The following GRID2 variants were observed in gnomAD, a reference collection of about 807,000 sequenced individuals.
The protein encoded by GRID2 is glutamate receptor ionotropic, delta-2.
In GRID2, 33 loss-of-function variants were observed where a neutral mutation model predicts 114.8. The ratio of observed to expected loss-of-function variants is 0.29; its 90% CI spans 0.22 to 0.38. The LOEUF is 0.38. Ranked by LOEUF, GRID2 falls within the 10% of genes least tolerant of loss-of-function variation. The pLI, the probability that GRID2 is intolerant of heterozygous loss-of-function variation, is 1.00. For missense variants in GRID2, 1,184 were observed against 1,257.7 expected, an observed-to-expected ratio of 0.94 and a Z score of 0.89; for synonymous variants, 505 against 449.9, an observed-to-expected ratio of 1.12 and a Z score of -1.55.
chr4:93,778,479 C>T (rs116303246), downstream of GRID2, among the ~76,000 whole-genome samples: 9,403 of 148,852 alleles, frequency 0.063, 314 homozygotes, highest in Admixed American at 0.076. Context: ...TCCCTGGAAC[C>T]TTTGCCTCCT....
At chr4:92,572,246 T>C (rs1479493520) in intron 1 of GRID2, among the ~76,000 whole-genome samples, 1 of 152,152 alleles carries the variant, frequency 6.6e-6, no homozygotes, top group Non-Finnish European at 1.5e-5. Flanking sequence ...CAGATAATAC[T>C]ATAAACACCT....
intron 2 of GRID2, among the ~76,000 whole-genome samples, chr4:93,001,056 T>C (rs992631647): frequency 6.6e-6 from 1 of 151,674 alleles, no homozygotes; most frequent in Non-Finnish European, 1.5e-5. Flanking sequence ...ATGATTTTGC[T>C]AGTAATTAAA....
intron 14 of GRID2, among the ~76,000 whole-genome samples, chr4:93,712,328 A>C (rs1220182632): frequency 6.6e-6 from 1 of 152,118 alleles, no homozygotes; most frequent in African/African-American, 2.4e-5. Context: ...TGATGCAATT[A>C]TAAGATTTTC....
chr4:93,217,345 A>T (rs929397723), intron 6 of GRID2: 1 of 155,402 alleles, frequency 6.4e-6, no homozygotes, highest in African/African-American at 2.4e-5. Flanking sequence ...TAGATATGAA[A>T]AAAGTGCTGT....
At chr4:92,778,403 C>T (rs1738908475) in intron 2 of GRID2, among the ~76,000 whole-genome samples, 1 of 151,956 alleles carries the variant, frequency 6.6e-6, no homozygotes, top group African/African-American at 2.4e-5. Flanking sequence ...TAGTATATTC[C>T]TAATGCTCCT....
intron 13 of GRID2, among the ~76,000 whole-genome samples, chr4:93,624,346 T>C (rs1742495887): frequency 6.6e-6 from 1 of 152,168 alleles, no homozygotes; most frequent in Non-Finnish European, 1.5e-5. Context: ...CATCCTTTTT[T>C]GCATAGGATA....
intron 2 of GRID2, among the ~76,000 whole-genome samples, chr4:92,982,878 C>T (rs546995712): frequency 3.5e-4 from 53 of 152,076 alleles, no homozygotes; most frequent in Non-Finnish European, 4.4e-4. Context: ...ACTCATTAAC[C>T]GTTCTCATTA....
At chr4:92,703,926 T>G (rs906414316) in intron 2 of GRID2, among the ~76,000 whole-genome samples, 1 of 152,102 alleles carries the variant, frequency 6.6e-6, no homozygotes, top group African/African-American at 2.4e-5. Flanking sequence ...ATTCAATGCC[T>G]GAAAATTGAG....
intron 13 of GRID2, among the ~76,000 whole-genome samples, chr4:93,515,687 C>T (rs1729649886): frequency 6.6e-6 from 1 of 152,046 alleles, no homozygotes; most frequent in Non-Finnish European, 1.5e-5. Context: ...AAGGACTTAA[C>T]AAACATGAAG....
intron 2 of GRID2, among the ~76,000 whole-genome samples, chr4:92,947,879 A>G (rs906179325): frequency 4.6e-5 from 7 of 151,876 alleles, no homozygotes; most frequent in Admixed American, 3.9e-4. Context: ...AATAAAATGA[A>G]TCCTATGTTG....
At chr4:93,335,493 T>C (rs766527391) in intron 8 of GRID2, among the ~76,000 whole-genome samples, 32 of 152,146 alleles carry the variant, frequency 2.1e-4, no homozygotes, top group Non-Finnish European at 4.1e-4. Context: ...TTTTATATTG[T>C]CTTAAGCACA....
intron 2 of GRID2, among the ~76,000 whole-genome samples, chr4:92,698,546 A>G (rs1393395069): frequency 6.6e-6 from 1 of 152,044 alleles, no homozygotes; most frequent in Admixed American, 6.6e-5. Context: ...TATATAATAT[A>G]TGCTCTTTAT....
At chr4:93,511,031 G>A (rs1300571872) in intron 12 of GRID2, among the ~76,000 whole-genome samples, 2 of 152,100 alleles carry the variant, frequency 1.3e-5, no homozygotes, top group African/African-American at 4.8e-5. Flanking sequence ...CCGCCTTCTG[G>A]GTTCAAGTGA....
intron 1 of GRID2, among the ~76,000 whole-genome samples, chr4:92,577,728 C>T (rs1173563294): frequency 3.9e-5 from 6 of 152,012 alleles, no homozygotes; most frequent in African/African-American, 1.4e-4. Flanking sequence ...AGCTAGGATT[C>T]TTCTATAAAG....
chr4:93,332,323 A>G lies in GRID2; in HGVS notation c.1246-63284A>G, dbSNP rs1001810497. 1.4e-4 allele frequency among the ~76,000 whole-genome samples: 20 copies of G among 145,594 alleles called. 1 individual carries two copies. The Admixed American group carries it at 1.4e-3, about 10-fold the overall frequency. On this transcript the variant is annotated intron_variant, in intron 8 of 15. Coordinates refer to ENST00000282020, the MANE Select transcript of GRID2 (RefSeq NM_001510.4). ...GTGAGAGAGAGAGAGAGAGAGAGAG[A>G]GAACTGGGAATGTTTGCATTCCTAC...
intron 14 of GRID2, among the ~76,000 whole-genome samples, chr4:93,679,092 G>A (rs1293663262): frequency 6.6e-6 from 1 of 150,946 alleles, no homozygotes; most frequent in Non-Finnish European, 1.5e-5. Flanking sequence ...GATCTACCAA[G>A]CAAATGGAAA....
chr4:93,316,331 A>AGAAG (rs1756639725), intron 8 of GRID2, among the ~76,000 whole-genome samples: 1 of 47,878 alleles, frequency 2.1e-5, no homozygotes, highest in Non-Finnish European at 4.2e-5. Flanking sequence ...AAAGAAAGAA[A>AGAAG]GAAAGAAAGA....
intron 2 of GRID2, among the ~76,000 whole-genome samples, chr4:92,804,468 T>C (rs1740319104): frequency 6.6e-6 from 1 of 151,902 alleles, no homozygotes; most frequent in Admixed American, 6.6e-5. Context: ...TAGAAGATAT[T>C]GTCTAGTTTG....
intron 2 of GRID2, among the ~76,000 whole-genome samples, chr4:92,728,038 A>G (rs890458541): frequency 2.6e-5 from 4 of 152,132 alleles, no homozygotes; most frequent in African/African-American, 9.7e-5. Context: ...TTTGTGATTA[A>G]GAGACAGGGG....
Sources: allele counts gnomAD v4.1 joint callset (sites outside exome capture counted in the v4.1 genomes callset), GRCh38; gene constraint gnomAD v4.1.1; transcripts MANE v1.5; gene names NCBI Gene and HGNC (gene_info 2026-07-23, HGNC 2026-07-21).